The following FOXC2 variants were observed in gnomAD, a reference collection of about 807,000 sequenced individuals.
FOXC2 encodes forkhead box C2, also known as forkhead box protein C2.
Under a neutral mutation model 7.2 loss-of-function variants are expected in FOXC2, and 7 were observed. That is an observed-to-expected ratio of 0.97 (90% CI 0.55 to 1.81). The LOEUF (loss-of-function observed/expected upper bound fraction) is 1.81. Ranked by LOEUF, FOXC2 falls within the 40% of genes most tolerant of loss-of-function variation. FOXC2 has a pLI of 0.00. For missense variants in FOXC2, 846 were observed against 741.2 expected, an observed-to-expected ratio of 1.14 and a Z score of -1.64; for synonymous variants, 436 against 350.4, an observed-to-expected ratio of 1.24 and a Z score of -2.73.
chr16:86,567,545 G>A lies in FOXC2; in HGVS notation c.210G>A (p.Leu70=), dbSNP rs751940772. 1.2e-5 allele frequency: 19 copies of A among 1,613,996 alleles called. No homozygotes were observed. The highest frequency in any genetic ancestry group is 1.5e-5 in the Non-Finnish European group (18 of 1,180,034). Residue 70 remains leucine (L), a synonymous_variant, in exon 1 of 1, where the codon CTG becomes CTA. Transcript: ENST00000649859. The part of the protein sequence containing the change: ...HHHQPAAPKD[L]VKPPYSYIAL... Reference sequence around the variant, plus strand: ...ACCAGCCCGCGGCGCCTAAGGACCTGGTGAAGCCGCCCTACAGCTACATCG... The same window carrying A: ...ACCAGCCCGCGGCGCCTAAGGACCTAGTGAAGCCGCCCTACAGCTACATCG...
chr16:86,566,962 C>G lies in FOXC2; in HGVS notation c.-374C>G, dbSNP rs956470694. Among the ~76,000 whole-genome samples, 3 of 151,986 alleles carry G rather than the reference C, an allele frequency of 2.0e-5. No individual in the cohort carries two copies. The highest frequency in any genetic ancestry group is 4.4e-5 in the Non-Finnish European group (3 of 67,946). On this transcript the variant is annotated 5_prime_UTR_variant, in exon 1 of 1. Coordinates refer to ENST00000649859, the MANE Select transcript of FOXC2 (RefSeq NM_005251.3). The surrounding 1 kb of genome is among the most constrained non-coding windows in gnomAD (Gnocchi z 4.3). ...GCTTGGAGAGCCTCCTGCGCCCCTC[C>G]TCGCGCGGGCCGAGGGTCCACCTGG...
rs1258487397 is a variant in FOXC2, at chr16:86,567,023, C to T, written c.-313C>T. 6.6e-6 allele frequency among the ~76,000 whole-genome samples: 1 copy of T among 150,982 alleles called. No individual in the cohort carries two copies. Among genetic ancestry groups the T allele is most frequent in the African/African-American group, 2.4e-5 (1 of 41,316 alleles). ...CGCGGCGTCTCCGCTGGGTCCGCGG[C>T]CGCCCGCCTGCCCGCGCTGCCGCCG... On this transcript the variant is annotated 5_prime_UTR_variant, in exon 1 of 1. Transcript: ENST00000649859.
In FOXC2 at chr16:86,568,860, C is replaced by G; in HGVS notation, c.*19C>G. 6.2e-7 allele frequency: 1 copy of G among 1,612,196 alleles called. No individual in the cohort carries two copies. The highest frequency in any genetic ancestry group is 8.5e-7 in the Non-Finnish European group (1 of 1,179,490). ...ATACTGACGTGTCCCGGGACCTCCC[C>G]TCCCCGGCCCGCTCCGGCTTCGCTT... On this transcript the variant is annotated 3_prime_UTR_variant, in exon 1 of 1. Transcript: ENST00000649859. The surrounding 1 kb of genome is among the most constrained non-coding windows in gnomAD (Gnocchi z 5.2).
Position 86,568,392 on chromosome 16 carries a change from G to T in FOXC2, c.1057G>T (p.Ala353Ser). Reference protein sequence around the residue: ...ERPAHMCVPPALDEALSDHPS... With the variant: ...ERPAHMCVPPSLDEALSDHPS... ...GCCGGCGCACATGTGCGTCCCGCCCGCCCTGGACGAGGCCCTCTCGGACCA... is the reference window on the plus strand; with the variant it reads ...GCCGGCGCACATGTGCGTCCCGCCCTCCCTGGACGAGGCCCTCTCGGACCA... The change falls in exon 1 of 1, where the codon GCC becomes TCC. Residue 353 changes from alanine to serine, a missense_variant. By Grantham distance (99) the Ala-to-Ser change is moderately conservative. Around this residue, in one of 3 missense-constraint regions of FOXC2, gnomAD observed 640 missense variants for 503.2 expected, o/e 1.27. Transcript: ENST00000649859. The surrounding 1 kb of genome is among the most constrained non-coding windows in gnomAD (Gnocchi z 5.2). 2 of 1,304,184 alleles carry T rather than the reference G, an allele frequency of 1.5e-6. No individual in the cohort carries two copies. The highest frequency in any genetic ancestry group is 2.0e-6 in the Non-Finnish European group (2 of 1,013,564). 80.8% of individuals were successfully genotyped at this position (1,304,184 alleles called of 1,614,324 possible).
In FOXC2 at chr16:86,566,837, T is replaced by A. The variant is rs1052902004; in HGVS notation, c.-499T>A. 6.6e-6 allele frequency among the ~76,000 whole-genome samples: 1 copy of A among 152,164 alleles called. No individual in the cohort carries two copies. Among genetic ancestry groups the A allele is most frequent in the Non-Finnish European group, 1.5e-5 (1 of 68,018 alleles). On this transcript the variant is annotated 5_prime_UTR_variant, in exon 1 of 1. Transcript: ENST00000649859. This position sits in a 1 kb window ranked among gnomAD's most constrained non-coding sequence, Gnocchi z 4.3. ...TCAGCAAGAAGACTTTTGAAACTTT[T>A]CCCAATCCCTAAAAGGGACTTGGCC...
Position 86,568,929 on chromosome 16 carries a change from CA to C in FOXC2, c.*94del, listed in dbSNP as rs1974244613. ...AGACAATTAAGGGGCTGCAGAGACG[CA>C]AAAAAGAAACAAAACATGTCCACCA... On this transcript the variant is annotated 3_prime_UTR_variant, in exon 1 of 1. Transcript: ENST00000649859. This position sits in a 1 kb window ranked among gnomAD's most constrained non-coding sequence, Gnocchi z 5.2. 2.6e-6 allele frequency: 4 copies of C among 1,552,328 alleles called. No individual in the cohort carries two copies. Among genetic ancestry groups the C allele is most frequent in the African/African-American group, 1.4e-5 (1 of 72,902 alleles).
Position 86,567,835 on chromosome 16 carries a change from G to A in FOXC2, c.500G>A (p.Arg167His). The change falls in exon 1 of 1, where the codon CGC becomes CAC. Residue 167 changes from arginine (R) to histidine (H), a missense_variant. Physicochemically the swap from Arg to His is conservative, Grantham distance 29 (BLOSUM62 0). This residue lies in a region of FOXC2 where 640 missense variants were observed against 503.2 expected (regional missense o/e 1.27). Coordinates refer to ENST00000649859, the MANE Select transcript of FOXC2 (RefSeq NM_005251.3). ...ENGSFLRRRR[R>H]FKKKDVSKEK... ...GGCAGCTTCCTGCGGCGCCGGCGGC[G>A]CTTCAAAAAGAAGGACGTGTCCAAG... 6.2e-7 allele frequency: 1 copy of A among 1,613,482 alleles called. No homozygotes were observed. The highest frequency in any genetic ancestry group is 8.5e-7 in the Non-Finnish European group (1 of 1,179,990).
At position 86,568,535 on chromosome 16, in the gene FOXC2, G is replaced by A. The variant is rs1468366197; in HGVS notation, c.1200G>A (p.Pro400=). The change falls in exon 1 of 1, where the codon CCG becomes CCA. Residue 400 remains proline, a synonymous_variant. Transcript: ENST00000649859. The surrounding 1 kb of genome is among the most constrained non-coding windows in gnomAD (Gnocchi z 5.2). The part of the protein sequence containing the change: ...QHHGHHHPQA[P]PPPPAPQPQP... Reference sequence around the variant, plus strand: ...ACGGCCACCACCACCCGCAGGCGCCGCCGCCCCCGCCGGCTCCCCAGCCCC... The same window carrying A: ...ACGGCCACCACCACCCGCAGGCGCCACCGCCCCCGCCGGCTCCCCAGCCCC... 2 of 1,286,242 alleles carry A rather than the reference G, an allele frequency of 1.6e-6. No homozygotes were observed. Among genetic ancestry groups the A allele is most frequent in the African/African-American group, 1.6e-5 (1 of 64,060 alleles). The allele number at this position is 1,286,242 out of a possible 1,614,324, so 79.7% of individuals were successfully genotyped here. A position where few individuals can be genotyped will look rare whatever the true frequency, so the allele number is the denominator to read the frequency against.
Position 86,567,396 on chromosome 16 carries a change from G to A in FOXC2, c.61G>A (p.Glu21Lys), listed in dbSNP as rs762956420. The A allele has an allele frequency of 5.6e-6, 9 of 1,613,172 alleles. No homozygotes were observed. The highest frequency in any genetic ancestry group is 2.2e-5 in the East Asian group (1 of 44,864). ...NALGVVPYLS[E>K]QNYYRAAGSY... ...CCTGGGAGTGGTGCCCTACCTGAGC[G>A]AGCAGAATTACTACCGGGCTGCGGG... Residue 21 changes from glutamate (E) to lysine (K), a missense_variant, in exon 1 of 1, where the codon GAG becomes AAG. By Grantham distance (56) the Glu-to-Lys change is moderately conservative (BLOSUM62 1). Coordinates refer to ENST00000649859, the MANE Select transcript of FOXC2 (RefSeq NM_005251.3).
At position 86,568,264 on chromosome 16, in the gene FOXC2, C is replaced by T; in HGVS notation, c.929C>T (p.Pro310Leu). The T allele has an allele frequency of 8.0e-7, 1 of 1,252,212 alleles. No individual in the cohort carries two copies. Among genetic ancestry groups the T allele is most frequent in the Non-Finnish European group, 1.0e-6 (1 of 1,000,360 alleles). The allele number at this position is 1,252,212 out of a possible 1,614,324, so 77.6% of individuals were successfully genotyped here. A position where few individuals can be genotyped will look rare whatever the true frequency, so the allele number is the denominator to read the frequency against. Residue 310 changes from proline to leucine, a missense_variant, in exon 1 of 1, where the codon CCC becomes CTC. Physicochemically the swap from Pro to Leu is moderately conservative, Grantham distance 98. This residue lies in a region of FOXC2 where 640 missense variants were observed against 503.2 expected (regional missense o/e 1.27). Coordinates refer to ENST00000649859, the MANE Select transcript of FOXC2 (RefSeq NM_005251.3). The surrounding 1 kb of genome is among the most constrained non-coding windows in gnomAD (Gnocchi z 5.2). ...PLALPYAAAP[P>L]AAYGQPCAQG... Reference sequence around the variant, plus strand: ...GCGCTGCCCTACGCCGCCGCGCCGCCCGCCGCCTACGGCCAGCCGTGCGCT... The same window carrying T: ...GCGCTGCCCTACGCCGCCGCGCCGCTCGCCGCCTACGGCCAGCCGTGCGCT...
Position 86,569,042 on chromosome 16 carries a change from C to T in FOXC2, c.*201C>T. ...CGCAGGTAACTTTAATTCGCCGCCC[C>T]GTTTCTGGGATCCCAGGAAACCCCT... On this transcript the variant is annotated 3_prime_UTR_variant, in exon 1 of 1. Transcript: ENST00000649859. 4.5e-6 allele frequency: 3 copies of T among 671,640 alleles called. No individual in the cohort carries two copies. The highest frequency in any genetic ancestry group is 2.8e-5 in the East Asian group (1 of 36,304). The allele number at this position is 671,640 out of a possible 1,614,324, so 41.6% of individuals were successfully genotyped here. A position where few individuals can be genotyped will look rare whatever the true frequency, so the allele number is the denominator to read the frequency against.
At position 86,568,529 on chromosome 16, in the gene FOXC2, G is replaced by T; in HGVS notation, c.1194G>T (p.Gln398His). 7.8e-7 allele frequency: 1 copy of T among 1,282,092 alleles called. No individual in the cohort carries two copies. Among genetic ancestry groups the T allele is most frequent in the Admixed American group, 3.7e-5 (1 of 27,280 alleles). The allele number at this position is 1,282,092 out of a possible 1,614,324, so 79.4% of individuals were successfully genotyped here. ...AGCACCACGGCCACCACCACCCGCA[G>T]GCGCCGCCGCCCCCGCCGGCTCCCC... Reference protein sequence around the residue: ...HHQHHGHHHPQAPPPPPAPQP... With the variant: ...HHQHHGHHHPHAPPPPPAPQP... The change falls in exon 1 of 1, where the codon CAG becomes CAT. Residue 398 changes from glutamine (Q) to histidine (H), a missense_variant. Physicochemically the swap from Gln to His is conservative, Grantham distance 24. Coordinates refer to ENST00000649859, the MANE Select transcript of FOXC2 (RefSeq NM_005251.3). This position sits in a 1 kb window ranked among gnomAD's most constrained non-coding sequence, Gnocchi z 5.2.
chr16:86,568,261 C>A lies in FOXC2; in HGVS notation c.926C>A (p.Pro309Gln). The change falls in exon 1 of 1, where the codon CCG (proline) becomes CAG (glutamine). Residue 309 changes from proline (P) to glutamine (Q), a missense_variant. Physicochemically the swap from Pro to Gln is moderately conservative, Grantham distance 76 (BLOSUM62 -1). Around this residue, in one of 3 missense-constraint regions of FOXC2, gnomAD observed 640 missense variants for 503.2 expected, o/e 1.27. Transcript: ENST00000649859. The surrounding 1 kb of genome is among the most constrained non-coding windows in gnomAD (Gnocchi z 5.2). ...CTGGCGCTGCCCTACGCCGCCGCGC[C>A]GCCCGCCGCCTACGGCCAGCCGTGC... The part of the protein sequence containing the change: ...PPLALPYAAA[P>Q]PAAYGQPCAQ... 1 of 1,252,302 alleles carries A rather than the reference C, an allele frequency of 8.0e-7. No individual in the cohort carries two copies. The highest frequency in any genetic ancestry group is 1.0e-6 in the Non-Finnish European group (1 of 1,000,506). The allele number at this position is 1,252,302 out of a possible 1,614,324, so 77.6% of individuals were successfully genotyped here. A position where few individuals can be genotyped will look rare whatever the true frequency, so the allele number is the denominator to read the frequency against.
chr16:86,568,503 C>T lies in FOXC2; in HGVS notation c.1168C>T (p.Gln390Ter). 7.7e-7 allele frequency: 1 copy of T among 1,295,702 alleles called. No homozygotes were observed. Among genetic ancestry groups the T allele is most frequent in the South Asian group, 2.2e-5 (1 of 44,824 alleles). The allele number at this position is 1,295,702 out of a possible 1,614,324, so 80.3% of individuals were successfully genotyped here. ...GCTCGCCGCCACGGGCCACCACCAC[C>T]AGCACCACGGCCACCACCACCCGCA... ...GALAATGHHH[Q>*]HHGHHHPQAP... Residue 390 changes from glutamine (Q) to a stop codon, truncating the protein, a stop_gained, in exon 1 of 1, where the codon CAG (glutamine) becomes TAG (stop). Coordinates refer to ENST00000649859, the MANE Select transcript of FOXC2 (RefSeq NM_005251.3). LOFTEE classifies it high-confidence loss of function. The surrounding 1 kb of genome is among the most constrained non-coding windows in gnomAD (Gnocchi z 5.2).
rs758350310 is a variant in FOXC2 at position 86,567,344 on chromosome 16, G to C, written c.9G>C (p.Ala3=). MQ[A]RYSVSDPNAL... ...GCCGTCTCGGAAGCAGCATGCAGGC[G>C]CGCTACTCCGTGTCCGACCCCAACG... is the stretch of plus-strand genomic sequence containing the variant. The change falls in exon 1 of 1, where the codon GCG becomes GCC. Residue 3 remains alanine (A), a synonymous_variant. Transcript: ENST00000649859. The C allele has an allele frequency of 6.2e-7, 1 of 1,612,870 alleles. No homozygotes were observed. The highest frequency in any genetic ancestry group is 8.5e-7 in the Non-Finnish European group (1 of 1,179,828).
chr16:86,567,651 T>C lies in FOXC2; in HGVS notation c.316T>C (p.Phe106Leu). 6.2e-7 allele frequency: 1 copy of C among 1,614,052 alleles called. No individual in the cohort carries two copies. The highest frequency in any genetic ancestry group is 8.5e-7 in the Non-Finnish European group (1 of 1,180,004). Residue 106 changes from phenylalanine to leucine, a missense_variant, in exon 1 of 1, where the codon TTC becomes CTC. By Grantham distance (22) the Phe-to-Leu change is conservative (BLOSUM62 0). Around this residue, in one of 3 missense-constraint regions of FOXC2, gnomAD observed 52 missense variants for 103.8 expected, o/e 0.50. Coordinates refer to ENST00000649859, the MANE Select transcript of FOXC2 (RefSeq NM_005251.3). ...CATCTACCAGTTCATCATGGACCGC[T>C]TCCCCTTCTACCGGGAGAACAAGCA... ...NGIYQFIMDR[F>L]PFYRENKQGW...
At position 86,567,386 on chromosome 16, in the gene FOXC2, C is replaced by G. The variant is rs765443999; in HGVS notation, c.51C>G (p.Pro17=). 5.6e-6 allele frequency: 9 copies of G among 1,613,240 alleles called. No homozygotes were observed. The South Asian group carries it at 9.9e-5, about 18-fold the overall frequency. ...VSDPNALGVV[P]YLSEQNYYRA... is the part of the protein sequence containing the mutation. ...ACCCCAACGCCCTGGGAGTGGTGCC[C>G]TACCTGAGCGAGCAGAATTACTACC... Residue 17 remains proline (P), a synonymous_variant, in exon 1 of 1, where the codon CCC becomes CCG. Transcript: ENST00000649859.
In FOXC2 at chr16:86,568,229, G is replaced by T; in HGVS notation, c.894G>T (p.Val298=). Residue 298 remains valine, a synonymous_variant, in exon 1 of 1, where the codon GTG becomes GTT. Coordinates refer to ENST00000649859, the MANE Select transcript of FOXC2 (RefSeq NM_005251.3). This position sits in a 1 kb window ranked among gnomAD's most constrained non-coding sequence, Gnocchi z 5.2. ...SPGAGRAGLV[V]PPLALPYAAA... ...GGGCCGGACGCGCGGGCCTGGTGGT[G>T]CCGCCGCTGGCGCTGCCCTACGCCG... The T allele has an allele frequency of 7.8e-7, 1 of 1,274,658 alleles. No individual in the cohort carries two copies. Among genetic ancestry groups the T allele is most frequent in the Non-Finnish European group, 9.8e-7 (1 of 1,015,698 alleles). 79.0% of individuals were successfully genotyped at this position (1,274,658 alleles called of 1,614,324 possible). A position where few individuals can be genotyped will look rare whatever the true frequency, so the allele number is the denominator to read the frequency against.
At position 86,567,358 on chromosome 16, in the gene FOXC2, C is replaced by T; in HGVS notation, c.23C>T (p.Ser8Phe). 1 of 1,613,030 alleles carries T rather than the reference C, an allele frequency of 6.2e-7. No homozygotes were observed. Among genetic ancestry groups the T allele is most frequent in the Non-Finnish European group, 8.5e-7 (1 of 1,179,838 alleles). Residue 8 changes from serine (S) to phenylalanine (F), a missense_variant, in exon 1 of 1, where the codon TCC becomes TTC. Physicochemically the swap from Ser to Phe is radical, Grantham distance 155. Coordinates refer to ENST00000649859, the MANE Select transcript of FOXC2 (RefSeq NM_005251.3). ...AGCATGCAGGCGCGCTACTCCGTGT[C>T]CGACCCCAACGCCCTGGGAGTGGTG... MQARYSV[S>F]DPNALGVVPY...
Sources: allele counts gnomAD v4.1 joint callset (sites outside exome capture counted in the v4.1 genomes callset), GRCh38; gene constraint gnomAD v4.1.1; regional missense constraint gnomAD v4.1.1; non-coding constraint Gnocchi (gnomAD v3.1); transcripts MANE v1.5; gene names NCBI Gene and HGNC (gene_info 2026-07-23, HGNC 2026-07-21).